The following ARHGAP26 variants were observed in gnomAD, a reference collection of about 807,000 sequenced individuals.
ARHGAP26 encodes the protein Rho GTPase activating protein 26.
In ARHGAP26, 38 loss-of-function variants were observed where a neutral mutation model predicts 104.8. The observed-to-expected ratio is 0.36, with a 90% CI of 0.28 to 0.48. The LOEUF is 0.48. ARHGAP26 is among the 20% of genes least tolerant of loss of function. The pLI is 0.99. For missense variants in ARHGAP26, 704 were observed against 947.9 expected (o/e 0.74, Z 3.38); for synonymous variants, 341 against 340.0 (o/e 1.00, Z -0.03).
intron 12 of ARHGAP26, chr5:143,014,371 T>C: frequency 1.8e-6 from 1 of 556,548 alleles, no homozygotes; most frequent in Non-Finnish European, 3.2e-6. Flanking sequence ...TACAAAGCAT[T>C]CTCGTGTACA....
At position 143,147,220 on chromosome 5, in the gene ARHGAP26, T is replaced by C. The variant is rs1799274540; in HGVS notation, c.1838-11T>C. 6.2e-7 allele frequency: 1 copy of C among 1,613,190 alleles called. No homozygotes were observed. The highest frequency in any genetic ancestry group is 2.2e-5 in the East Asian group (1 of 44,872). ...AATATTAATATGGGACTTGTGGCTT[T>C]TCCCCCCCAGAGGAACAAAGGAACA... On this transcript the variant is annotated splice_polypyrimidine_tract_variant and intron_variant, in intron 19 of 22. Transcript: ENST00000645722.
Position 142,903,257 on chromosome 5 carries a change from T to C in ARHGAP26, c.703-283T>C, listed in dbSNP as rs1308299648. Among the ~76,000 whole-genome samples, 4 of 152,182 alleles carry C rather than the reference T, an allele frequency of 2.6e-5. No homozygotes were observed. In the South Asian group the frequency reaches 6.2e-4, roughly 24 times the overall value. ...GGAGGCTTATCGTAAAACACACTTT[T>C]TGGCATCCAGAGGTGCTGAATTGAT... On this transcript the variant is annotated intron_variant, in intron 7 of 22. Transcript: ENST00000645722.
At chr5:143,179,923 C>T (rs752096574) in intron 20 of ARHGAP26, among the ~76,000 whole-genome samples, 7 of 152,158 alleles carry the variant, frequency 4.6e-5, no homozygotes, top group Admixed American at 6.5e-5. Flanking sequence ...ACCCCTTTCA[C>T]GCCTTGTTTT....
intron 11 of ARHGAP26, among the ~76,000 whole-genome samples, chr5:142,941,350 C>A (rs1432100778): frequency 6.6e-6 from 1 of 152,074 alleles, no homozygotes; most frequent in Non-Finnish European, 1.5e-5. Context: ...ATTTGTATTT[C>A]TCCAGTGATC....
chr5:143,095,530 T>C (rs906163328), intron 17 of ARHGAP26, among the ~76,000 whole-genome samples: 1 of 152,262 alleles, frequency 6.6e-6, no homozygotes, highest in Non-Finnish European at 1.5e-5. Flanking sequence ...ATTTATTAAA[T>C]GACATTTTAC....
At chr5:143,190,178 A>G (rs1319958750) in intron 20 of ARHGAP26, among the ~76,000 whole-genome samples, 2 of 152,252 alleles carry the variant, frequency 1.3e-5, no homozygotes, top group Admixed American at 6.5e-5. Flanking sequence ...GCTCAGGCAG[A>G]CAGACAGGTG....
chr5:142,980,540 C>T (rs1562197940), intron 11 of ARHGAP26, among the ~76,000 whole-genome samples: 1 of 151,948 alleles, frequency 6.6e-6, no homozygotes, highest in Non-Finnish European at 1.5e-5. Context: ...AGGTGCCCAC[C>T]ACCACACCCA....
chr5:142,816,068 G>A (rs1298661277), intron 1 of ARHGAP26, among the ~76,000 whole-genome samples: 1 of 152,102 alleles, frequency 6.6e-6, no homozygotes, highest in Non-Finnish European at 1.5e-5. Context: ...AGTGTATTGG[G>A]ATTACAGGTG....
At chr5:143,078,880 G>A (rs376467831) in intron 17 of ARHGAP26, among the ~76,000 whole-genome samples, 3 of 152,140 alleles carry the variant, frequency 2.0e-5, no homozygotes, top group African/African-American at 4.8e-5. Context: ...TGGTGAAACC[G>A]GTGGTTATGG....
At chr5:143,139,755 C>T (rs1214703594) in intron 19 of ARHGAP26, among the ~76,000 whole-genome samples, 1 of 152,162 alleles carries the variant, frequency 6.6e-6, no homozygotes, top group Non-Finnish European at 1.5e-5. Flanking sequence ...AGATGAATGG[C>T]AGCAAAGGAG....
chr5:143,173,820 C>T (rs897244896), intron 20 of ARHGAP26, among the ~76,000 whole-genome samples: 11 of 152,162 alleles, frequency 7.2e-5, no homozygotes, highest in Admixed American at 2.0e-4. Flanking sequence ...ACCTAGACTG[C>T]ACCCTAGGCT....
At chr5:143,016,967 G>A (rs3776365) in intron 12 of ARHGAP26, among the ~76,000 whole-genome samples, 2 of 152,232 alleles carry the variant, frequency 1.3e-5, no homozygotes, top group East Asian at 3.9e-4. Flanking sequence ...TCTACCACAG[G>A]TGGCGCTAAT....
intron 18 of ARHGAP26, 108 bp from the exon 19 acceptor site, chr5:143,133,859 T>C: frequency 8.9e-7 from 1 of 1,126,890 alleles, no homozygotes; most frequent in African/African-American, 1.6e-5. Flanking sequence ...CTCGGATCTT[T>C]TCTTGCTAAT....
At chr5:143,079,615 C>A (rs974534840) in intron 17 of ARHGAP26, among the ~76,000 whole-genome samples, 4 of 152,196 alleles carry the variant, frequency 2.6e-5, no homozygotes, top group African/African-American at 9.6e-5. Context: ...CCGGATTAAA[C>A]GAACATGTTT....
At chr5:143,045,259 C>G (rs1312742975) in intron 14 of ARHGAP26, among the ~76,000 whole-genome samples, 1 of 152,216 alleles carries the variant, frequency 6.6e-6, no homozygotes, top group Admixed American at 6.5e-5. Context: ...GCAGCTGCCT[C>G]TGCCAGGAGG....
intron 1 of ARHGAP26, among the ~76,000 whole-genome samples, chr5:142,839,906 A>AGGGGG (rs1770413853): frequency 3.3e-5 from 1 of 30,462 alleles, no homozygotes; most frequent in African/African-American, 1.3e-4. Context: ...AGGGGAGGGG[A>AGGGGG]GGGGAGGGGA....
intron 11 of ARHGAP26, among the ~76,000 whole-genome samples, chr5:143,012,556 T>C (rs57949069): frequency 0.033 from 1,927 of 59,038 alleles, 355 homozygotes; most frequent in South Asian, 0.11. Context: ...TACATACATA[T>C]ATATATATAT....
intron 20 of ARHGAP26, among the ~76,000 whole-genome samples, chr5:143,163,699 C>G (rs12108818): frequency 0.18 from 27,435 of 152,012 alleles, 3,442 homozygotes; most frequent in African/African-American, 0.35. Flanking sequence ...GATCCATCCA[C>G]CTCGGTCTCC....
At chr5:143,173,793 A>G (rs1008723259) in intron 20 of ARHGAP26, among the ~76,000 whole-genome samples, 11 of 152,192 alleles carry the variant, frequency 7.2e-5, no homozygotes, top group African/African-American at 2.4e-4. Flanking sequence ...GCTGTGTGGA[A>G]GGGAGAGGTG....
Sources: allele counts gnomAD v4.1 joint callset (sites outside exome capture counted in the v4.1 genomes callset), GRCh38; gene constraint gnomAD v4.1.1; transcripts MANE v1.5; gene names NCBI Gene and HGNC (gene_info 2026-07-23, HGNC 2026-07-21).